Variants in TYW1 observed in about 807,000 individuals in gnomAD.
The protein encoded by TYW1 is S-adenosyl-L-methionine-dependent tRNA 4-demethylwyosine synthase TYW1.
TYW1 carries 46 observed loss-of-function variants against 96.2 expected under a neutral mutation model. The observed-to-expected ratio is 0.48, with a 90% CI of 0.38 to 0.61. The LOEUF (loss-of-function observed/expected upper bound fraction) is 0.61, where lower values mean the gene tolerates loss of function less well. Ranked by LOEUF, TYW1 falls within the 20% of genes least tolerant of loss-of-function variation. The probability of loss-of-function intolerance (pLI) is 0.00; values close to 1 mark genes in which losing one functional copy is unlikely to be tolerated. For synonymous variants in TYW1, 274 were observed against 323.0 expected (o/e 0.85, Z 1.63); for missense variants, 684 against 909.6 (o/e 0.75, Z 3.19).
At chr7:67,196,839 A>G (rs938935798) in intron 15 of TYW1, among the ~76,000 whole-genome samples, 5 of 152,024 alleles carry the variant, frequency 3.3e-5, no homozygotes, top group African/African-American at 9.7e-5. Context: ...ATTCAAGCCA[A>G]TTCAGTTCTT....
intron 13 of TYW1, among the ~76,000 whole-genome samples, chr7:67,177,454 A>C (rs1406148290): frequency 6.6e-6 from 1 of 152,148 alleles, no homozygotes; most frequent in East Asian, 1.9e-4. Flanking sequence ...AATTATTTCT[A>C]ATACGTTTAT....
At chr7:67,060,389 G>A (rs771777375) in intron 9 of TYW1, among the ~76,000 whole-genome samples, 3 of 152,154 alleles carry the variant, frequency 2.0e-5, no homozygotes, top group Non-Finnish European at 2.9e-5. Flanking sequence ...TCAAAGTTTA[G>A]AAAGGGAAAA....
intron 15 of TYW1, among the ~76,000 whole-genome samples, chr7:67,200,019 T>C (rs1800539059): frequency 6.6e-6 from 1 of 152,090 alleles, no homozygotes; most frequent in African/African-American, 2.4e-5. Context: ...AAGTAGGCAG[T>C]TAATAAATAG....
At chr7:67,029,371 A>ATG (rs1298322813) in intron 7 of TYW1, among the ~76,000 whole-genome samples, 6 of 134,306 alleles carry the variant, frequency 4.5e-5, no homozygotes, top group Non-Finnish European at 8.1e-5. Context: ...TTAGTTAAAT[A>ATG]TGTGTGTGTG....
intron 7 of TYW1, among the ~76,000 whole-genome samples, chr7:67,045,009 G>A (rs578058172): frequency 1.1e-4 from 17 of 152,270 alleles, no homozygotes; most frequent in African/African-American, 4.1e-4. Flanking sequence ...TTTCCCAGGA[G>A]AAATGTATGT....
chr7:67,081,074 G>A (rs910415527), intron 10 of TYW1, among the ~76,000 whole-genome samples: 1 of 148,926 alleles, frequency 6.7e-6, no homozygotes, highest in Non-Finnish European at 1.5e-5. Context: ...TTTCATGATG[G>A]TAATTATTCT....
Position 67,017,977 on chromosome 7 carries a change from G to C in TYW1, c.695G>C (p.Trp232Ser). 1 of 1,614,130 alleles carries C rather than the reference G, an allele frequency of 6.2e-7. No individual in the cohort carries two copies. Among genetic ancestry groups the C allele is most frequent in the Non-Finnish European group, 8.5e-7 (1 of 1,180,028 alleles). ...AGCATTGAGGCCGACTTCAGAGCATGGAAGACCAAGTTCATCTCCCAGCTG... is the reference window on the plus strand; with the variant it reads ...AGCATTGAGGCCGACTTCAGAGCATCGAAGACCAAGTTCATCTCCCAGCTG... ...HGSIEADFRA[W>S]KTKFISQLQA... The change falls in exon 6 of 16, where the codon TGG (tryptophan) becomes TCG (serine). Residue 232 changes from tryptophan to serine, a missense_variant. Trp to Ser is a radical substitution (Grantham distance 177). Transcript: ENST00000359626.
chr7:67,074,916 T>C (rs1796156587), intron 10 of TYW1, among the ~76,000 whole-genome samples: 1 of 152,148 alleles, frequency 6.6e-6, no homozygotes, highest in Admixed American at 6.6e-5. Context: ...CACTGTAACC[T>C]CTGTCTCCTG....
chr7:67,186,747 C>T (rs1312339768), intron 14 of TYW1, among the ~76,000 whole-genome samples: 1 of 152,148 alleles, frequency 6.6e-6, no homozygotes, highest in East Asian at 1.9e-4. Context: ...CCTACGTTAG[C>T]CTCCCAAAGT....
intron 10 of TYW1, among the ~76,000 whole-genome samples, chr7:67,079,598 T>C (rs555195651): frequency 8.4e-4 from 125 of 149,598 alleles, no homozygotes; most frequent in African/African-American, 3.0e-3. Flanking sequence ...CTTCATTTAT[T>C]TTTGCTCTGA....
At chr7:67,046,250 T>G (rs1046125413) in intron 7 of TYW1, among the ~76,000 whole-genome samples, 6 of 152,280 alleles carry the variant, frequency 3.9e-5, no homozygotes, top group Middle Eastern at 3.4e-3. Context: ...AATTCTCTCT[T>G]TTCCCTGATC....
chr7:67,209,730 G>A (rs1413543348), intron 15 of TYW1, among the ~76,000 whole-genome samples: 4 of 151,946 alleles, frequency 2.6e-5, no homozygotes, highest in Non-Finnish European at 5.9e-5. Context: ...ACGCCACCAC[G>A]CCCGGCTACT....
chr7:67,149,722 A>ATATC (rs59266321), intron 13 of TYW1, among the ~76,000 whole-genome samples: 28,307 of 139,600 alleles, frequency 0.2, 2,802 homozygotes, highest in Admixed American at 0.24. Context: ...AGGAAAAAAA[A>ATATC]TATCTATCTA....
In TYW1 at chr7:67,035,972, C is replaced by T. The variant is rs557567848; in HGVS notation, c.984+10950C>T. On this transcript the variant is annotated intron_variant, in intron 7 of 15. Transcript: ENST00000359626. ...GATTACAGGCGTGAGCCACTGTGCCCGGCCGGTTCTATTGTTCTTAAGTCC... is the reference window on the plus strand; with the variant it reads ...GATTACAGGCGTGAGCCACTGTGCCTGGCCGGTTCTATTGTTCTTAAGTCC... Among the ~76,000 whole-genome samples, 14 of 150,618 alleles carry T rather than the reference C, an allele frequency of 9.3e-5. 1 individual carries two copies. The highest frequency in any genetic ancestry group is 8.4e-4 in the South Asian group (4 of 4,764).
chr7:67,225,635 C>T (rs1801537704), intron 15 of TYW1, among the ~76,000 whole-genome samples: 1 of 152,128 alleles, frequency 6.6e-6, no homozygotes, highest in African/African-American at 2.4e-5. Context: ...ATGTGGAACT[C>T]ACCCTCATCA....
chr7:67,205,218 C>A (rs557140659), intron 15 of TYW1, among the ~76,000 whole-genome samples: 2 of 152,180 alleles, frequency 1.3e-5, no homozygotes, highest in Admixed American at 1.3e-4. Context: ...AGTCCATTTC[C>A]CCCCTCAGCT....
rs71563152 is a variant in TYW1, at chr7:67,056,230, C to T, written c.1155+343C>T. ...ATGAGTGGCCAGATGCAGTGGCTCA[C>T]GCCTGTAATCCTAGCACTTTCGGAG... On this transcript the variant is annotated intron_variant, in intron 9 of 15. Transcript: ENST00000359626. Among the ~76,000 whole-genome samples the T allele has an allele frequency of 5.4e-3, 828 of 152,242 alleles. 5 individuals carry two copies. The highest frequency in any genetic ancestry group is 0.014 in the Middle Eastern group (4 of 294).
At chr7:67,182,588 C>T (rs1409768856) in intron 13 of TYW1, among the ~76,000 whole-genome samples, 1 of 151,986 alleles carries the variant, frequency 6.6e-6, no homozygotes. Context: ...AGAAAGCAAG[C>T]CAGTCCCTCT....
intron 5 of TYW1, among the ~76,000 whole-genome samples, chr7:67,014,809 A>G (rs1379519979): frequency 6.6e-6 from 1 of 152,152 alleles, no homozygotes; most frequent in African/African-American, 2.4e-5. Flanking sequence ...GCTCACTGCA[A>G]CTTCTAGCTC....
Sources: allele counts gnomAD v4.1 joint callset (sites outside exome capture counted in the v4.1 genomes callset), GRCh38; gene constraint gnomAD v4.1.1; transcripts MANE v1.5; gene names NCBI Gene and HGNC (gene_info 2026-07-23, HGNC 2026-07-21).